MEF2A: variants seen among roughly 807,000 people sequenced by gnomAD.
MEF2A encodes the protein myocyte enhancer factor 2A.
MEF2A carries 28 observed loss-of-function variants against 55.8 expected under a neutral mutation model. The observed-to-expected ratio is 0.50, with a 90% confidence interval of 0.37 to 0.69. The LOEUF is 0.69. Ranked by LOEUF, MEF2A falls within the 30% of genes least tolerant of loss-of-function variation. The probability of loss-of-function intolerance (pLI) is 0.00; values close to 1 mark genes in which losing one functional copy is unlikely to be tolerated. For synonymous variants in MEF2A, 239 were observed against 227.1 expected (o/e 1.05, Z -0.47); for missense variants, 528 against 626.2 (o/e 0.84, Z 1.67).
chr15:99,591,932 C>G (rs570325001), intron 1 of MEF2A, among the ~76,000 whole-genome samples: 40 of 152,172 alleles, frequency 2.6e-4, no homozygotes, highest in Admixed American at 1.5e-3. Context: ...TGTCTTGCTT[C>G]TGGGCTTCTT....
chr15:99,692,676 G>A (rs916754110), intron 8 of MEF2A, among the ~76,000 whole-genome samples: 2 of 152,142 alleles, frequency 1.3e-5, no homozygotes, highest in African/African-American at 2.4e-5. Flanking sequence ...ATCCCATGGG[G>A]TGCTCAGAAG....
rs960057623 is a variant in MEF2A, at chr15:99,566,072, G to C, written c.-257G>C. Reference sequence around the variant, plus strand: ...GCTGGTGGCGGGCCCGGGCTGCGGCGTGTGCGCGCCCGCCAGCTGCTCCGG... The same window carrying C: ...GCTGGTGGCGGGCCCGGGCTGCGGCCTGTGCGCGCCCGCCAGCTGCTCCGG... On this transcript the variant is annotated 5_prime_UTR_variant, in exon 1 of 12. Coordinates refer to ENST00000557942, the MANE Select transcript of MEF2A (RefSeq NM_001319206.4). The C allele has an allele frequency of 6.6e-6, 1 of 152,180 alleles. No individual in the cohort carries two copies. Among genetic ancestry groups the C allele is most frequent in the African/African-American group, 2.4e-5 (1 of 41,378 alleles). The allele number at this position is 152,180 out of a possible 1,614,324, so 9.4% of individuals were successfully genotyped here.
At chr15:99,690,466 A>T in intron 8 of MEF2A, 38 bp downstream of exon 8, 1 of 1,530,304 alleles carries the variant, frequency 6.5e-7, no homozygotes, top group South Asian at 1.3e-5. Context: ...TCTTTAAAAC[A>T]CATATTTTAT....
intron 3 of MEF2A, among the ~76,000 whole-genome samples, chr15:99,637,751 T>C (rs2044142695): frequency 6.6e-6 from 1 of 152,188 alleles, no homozygotes; most frequent in Non-Finnish European, 1.5e-5. Flanking sequence ...CGTGCCATTC[T>C]TCTGCCTCAG....
intron 1 of MEF2A, among the ~76,000 whole-genome samples, chr15:99,590,360 G>C (rs1968847302): frequency 6.8e-6 from 1 of 147,468 alleles, no homozygotes; most frequent in Non-Finnish European, 1.5e-5. Context: ...TTAATTTAAA[G>C]TGATATCTTA....
At chr15:99,587,574 G>C (rs1324997369) in intron 1 of MEF2A, among the ~76,000 whole-genome samples, 1 of 152,132 alleles carries the variant, frequency 6.6e-6, no homozygotes, top group Non-Finnish European at 1.5e-5. Flanking sequence ...TCAGCTCCAT[G>C]AACATGGTAT....
chr15:99,590,815 T>C (rs925292535), intron 1 of MEF2A, among the ~76,000 whole-genome samples: 20 of 152,140 alleles, frequency 1.3e-4, no homozygotes, highest in African/African-American at 4.8e-4. Context: ...TTCTACATGT[T>C]ATTACCATAC....
At chr15:99,616,095 T>TA (rs1049991334) in intron 2 of MEF2A, among the ~76,000 whole-genome samples, 2 of 151,414 alleles carry the variant, frequency 1.3e-5, no homozygotes, top group Non-Finnish European at 2.9e-5. Flanking sequence ...GACTAGTTCT[T>TA]AAAAAAAAAT....
At chr15:99,676,601 T>G (rs1013151458) in intron 7 of MEF2A, among the ~76,000 whole-genome samples, 1 of 151,200 alleles carries the variant, frequency 6.6e-6, no homozygotes, top group Non-Finnish European at 1.5e-5. Flanking sequence ...AGACGGAGTC[T>G]CGCTCTTGTC....
At chr15:99,568,344 G>A (rs963989190) in intron 1 of MEF2A, among the ~76,000 whole-genome samples, 1 of 151,990 alleles carries the variant, frequency 6.6e-6, no homozygotes, top group African/African-American at 2.4e-5. Flanking sequence ...TTTTGTAAAT[G>A]CAGTTGGAAA....
intron 2 of MEF2A, among the ~76,000 whole-genome samples, chr15:99,619,853 G>A (rs1315410228): frequency 6.6e-6 from 1 of 152,216 alleles, no homozygotes; most frequent in African/African-American, 2.4e-5. Context: ...TTAGTGACAG[G>A]TTTGGGGCTG....
At chr15:99,700,517 C>CA (rs929070700) in intron 8 of MEF2A, among the ~76,000 whole-genome samples, 1 of 151,076 alleles carries the variant, frequency 6.6e-6, no homozygotes. Flanking sequence ...GTCACACACA[C>CA]ACAAAAAAGG....
chr15:99,604,906 A>G (rs1974505891), intron 2 of MEF2A, among the ~76,000 whole-genome samples: 1 of 152,184 alleles, frequency 6.6e-6, no homozygotes, highest in Non-Finnish European at 1.5e-5. Flanking sequence ...ATTATTCTCA[A>G]TTCAAAGTAA....
At chr15:99,582,454 G>A (rs899529238) in intron 1 of MEF2A, among the ~76,000 whole-genome samples, 2 of 152,084 alleles carry the variant, frequency 1.3e-5, no homozygotes, top group Admixed American at 6.5e-5. Context: ...TTTAAAATCC[G>A]ATAGTATTTT....
intron 2 of MEF2A, among the ~76,000 whole-genome samples, chr15:99,619,087 G>A (rs915925261): frequency 1.3e-5 from 2 of 152,170 alleles, no homozygotes; most frequent in Non-Finnish European, 2.9e-5. Context: ...AGGAGGGAAA[G>A]AACCAGGCTG....
At chr15:99,673,977 CTT>C (rs2051387243) in intron 5 of MEF2A, among the ~76,000 whole-genome samples, 1 of 151,866 alleles carries the variant, frequency 6.6e-6, no homozygotes, top group Non-Finnish European at 1.5e-5. Context: ...CACTTTTCTC[CTT>C]CCGTTATATT....
intron 4 of MEF2A, among the ~76,000 whole-genome samples, chr15:99,665,477 C>G (rs1451430450): frequency 6.6e-6 from 1 of 151,998 alleles, no homozygotes. Context: ...GCCATAAAAA[C>G]TCTAGAAGAA....
intron 1 of MEF2A, among the ~76,000 whole-genome samples, chr15:99,575,391 A>G (rs1432845513): frequency 6.6e-6 from 1 of 152,084 alleles, no homozygotes; most frequent in Non-Finnish European, 1.5e-5. Flanking sequence ...TTTGTTTTGT[A>G]GGATGTCCAT....
At chr15:99,607,650 A>C (rs574650210) in intron 2 of MEF2A, among the ~76,000 whole-genome samples, 1 of 152,190 alleles carries the variant, frequency 6.6e-6, no homozygotes, top group Non-Finnish European at 1.5e-5. Flanking sequence ...CAAATGAGGG[A>C]GCATTAATTA....
Sources: allele counts gnomAD v4.1 joint callset (sites outside exome capture counted in the v4.1 genomes callset), GRCh38; gene constraint gnomAD v4.1.1; transcripts MANE v1.5; gene names NCBI Gene and HGNC (gene_info 2026-07-23, HGNC 2026-07-21).